The following MMP20 variants were observed in gnomAD, a reference collection of about 807,000 sequenced individuals.
MMP20 encodes the protein matrix metalloproteinase-20.
A neutral mutation model predicts 51.8 loss-of-function variants in MMP20; 50 were observed. That is an observed-to-expected ratio of 0.97 (90% CI 0.77 to 1.22). The LOEUF (loss-of-function observed/expected upper bound fraction) is 1.22, where lower values mean the gene tolerates loss of function less well. MMP20 is among the 50% of genes most tolerant of loss of function. The pLI is 0.00. For missense variants in MMP20, 663 were observed against 601.4 expected, an observed-to-expected ratio of 1.10 and a Z score of -1.07; for synonymous variants, 244 against 216.2, an observed-to-expected ratio of 1.13 and a Z score of -1.13.
chr11:102,609,191 A>T (rs1859561256), intron 4 of MMP20, 93 bp from the exon 5 acceptor site: 2 of 1,128,846 alleles, frequency 1.8e-6, no homozygotes, highest in Non-Finnish European at 2.6e-6. Context: ...CCCACATTAC[A>T]GTTAACCCAT....
At chr11:102,611,523 A>C (rs1859599463) in intron 3 of MMP20, among the ~76,000 whole-genome samples, 1 of 152,260 alleles carries the variant, frequency 6.6e-6, no homozygotes, top group South Asian at 2.1e-4. Context: ...AAAGTTTGTT[A>C]CAGTGAATCT....
intron 6 of MMP20, among the ~76,000 whole-genome samples, chr11:102,598,778 C>T (rs1784408): frequency 2.0e-5 from 3 of 152,046 alleles, no homozygotes; most frequent in African/African-American, 7.2e-5. Flanking sequence ...GTTGTTGAGC[C>T]TTAAAGGTCT....
At chr11:102,598,812 T>C (rs1218369798) in intron 6 of MMP20, among the ~76,000 whole-genome samples, 1 of 152,196 alleles carries the variant, frequency 6.6e-6, no homozygotes, top group South Asian at 2.1e-4. Flanking sequence ...CCAGTCATCA[T>C]TCTCCACCTA....
chr11:102,609,042 G>T lies in MMP20; in HGVS notation c.706C>A (p.His236Asn), dbSNP rs1344070631. ...HEFGHALGLA[H>N]STDPSALMYP... ...ATCAGTGCTGATGGGTCTGTGGAAT[G>T]GGCCAGGCCCAGGGCATGGCCAAAT... The change falls in exon 5 of 10, where the codon CAT (histidine) becomes AAT (asparagine). Residue 236 changes from histidine (H) to asparagine (N), a missense_variant. Physicochemically the swap from His to Asn is moderately conservative, Grantham distance 68 (BLOSUM62 1). Transcript: ENST00000260228. 2.5e-6 allele frequency: 4 copies of T among 1,613,576 alleles called. No individual in the cohort carries two copies. Among genetic ancestry groups the T allele is most frequent in the Non-Finnish European group, 3.4e-6 (4 of 1,179,594 alleles).
intron 8 of MMP20, among the ~76,000 whole-genome samples, chr11:102,588,167 A>G (rs1425312011): frequency 2.0e-5 from 3 of 152,098 alleles, no homozygotes. Flanking sequence ...TTAACTTATA[A>G]AAATCTGCTT....
At position 102,623,126 on chromosome 11, in the gene MMP20, G is replaced by A. The variant is rs116076814; in HGVS notation, c.126+2068C>T. Among the ~76,000 whole-genome samples the A allele has an allele frequency of 2.7e-3, 407 of 152,282 alleles. 1 individual carries two copies. Among genetic ancestry groups the A allele is most frequent in the African/African-American group, 8.9e-3 (369 of 41,540 alleles). ...AGACAGAGAAGGGTTGATTTATTTT[G>A]GAGAGGAAGAAGTAAGGAATCACTA... On this transcript the variant is annotated intron_variant, in intron 1 of 9. Coordinates refer to ENST00000260228, the MANE Select transcript of MMP20 (RefSeq NM_004771.4).
chr11:102,622,721 C>T (rs1161335103), intron 1 of MMP20, among the ~76,000 whole-genome samples: 1 of 152,182 alleles, frequency 6.6e-6, no homozygotes, highest in African/African-American at 2.4e-5. Flanking sequence ...GCTCCCTCAT[C>T]CTCATGGAAG....
At chr11:102,580,779 TCACAAAGA>T (rs1859183566) in intron 8 of MMP20, among the ~76,000 whole-genome samples, 1 of 152,202 alleles carries the variant, frequency 6.6e-6, no homozygotes, top group Non-Finnish European at 1.5e-5. Flanking sequence ...CACACTCATT[TCACAAAGA>T]CAAAGAAACG....
chr11:102,606,668 T>C lies in MMP20; in HGVS notation c.820A>G (p.Lys274Glu). Residue 274 changes from lysine to glutamate, a missense_variant, in exon 6 of 10, where the codon AAA (lysine) becomes GAA (glutamate). Transcript: ENST00000260228. ...AGAGTGGGCTTCCCCAGGAATACTT[T>C]CCGAGGTCCTAGGATTCAAAATGAG... ...KGIQALYGPR[K>E]VFLGKPTLPH... 6.2e-7 allele frequency: 1 copy of C among 1,614,040 alleles called. No homozygotes were observed. The highest frequency in any genetic ancestry group is 8.5e-7 in the Non-Finnish European group (1 of 1,179,934).
At chr11:102,593,027 C>G (rs1022863510) in intron 8 of MMP20, among the ~76,000 whole-genome samples, 1 of 152,132 alleles carries the variant, frequency 6.6e-6, no homozygotes, top group African/African-American at 2.4e-5. Flanking sequence ...TCAAAGAGAC[C>G]CATGGTCAGG....
chr11:102,602,187 C>T, intron 6 of MMP20, among the ~76,000 whole-genome samples: 1 of 137,330 alleles, frequency 7.3e-6, no homozygotes, highest in Non-Finnish European at 1.5e-5. Flanking sequence ...CCAGGATGGT[C>T]TCCATCTCCT....
chr11:102,593,186 T>G (rs921483482), intron 8 of MMP20, among the ~76,000 whole-genome samples: 24 of 152,100 alleles, frequency 1.6e-4, no homozygotes, highest in Non-Finnish European at 2.4e-4. Context: ...GGTTAATGAG[T>G]GCATTGAAAG....
At chr11:102,584,712 GA>G (rs1859235122) in intron 8 of MMP20, among the ~76,000 whole-genome samples, 1 of 152,054 alleles carries the variant, frequency 6.6e-6, no homozygotes. Context: ...CCAAGATCAC[GA>G]AGATTTATCT....
chr11:102,592,085 T>C (rs1859323717), intron 8 of MMP20, among the ~76,000 whole-genome samples: 1 of 152,230 alleles, frequency 6.6e-6, no homozygotes, highest in Admixed American at 6.5e-5. Context: ...CTTGATTTTA[T>C]TCTCTGAAAA....
rs72984055 is a variant in MMP20, at chr11:102,589,960, T to C, written c.1247+3479A>G. ...AGAGAATGTGGAAGACGTATTCTAC[T>C]TTGCAGCAATGATGCCCCGAGTCTG... On this transcript the variant is annotated intron_variant, in intron 8 of 9. Coordinates refer to ENST00000260228, the MANE Select transcript of MMP20 (RefSeq NM_004771.4). Among the ~76,000 whole-genome samples, 1,288 of 152,314 alleles carry C rather than the reference T, an allele frequency of 8.5e-3. 13 individuals are homozygous for C. The highest frequency in any genetic ancestry group is 0.02 in the Middle Eastern group (6 of 294).
At chr11:102,580,182 A>T (rs920183613) in intron 8 of MMP20, among the ~76,000 whole-genome samples, 2 of 152,260 alleles carry the variant, frequency 1.3e-5, no homozygotes, top group Admixed American at 6.5e-5. Context: ...AACTCTGAAG[A>T]TTGATTAATA....
intron 6 of MMP20, among the ~76,000 whole-genome samples, chr11:102,599,014 T>G (rs1272199540): frequency 4.6e-4 from 1 of 2,168 alleles, no homozygotes; most frequent in African/African-American, 1.7e-3. Flanking sequence ...TCTTCTATCT[T>G]TTTTTTTTTT....
At chr11:102,606,288 A>G (rs1859514399) in intron 6 of MMP20, among the ~76,000 whole-genome samples, 1 of 152,228 alleles carries the variant, frequency 6.6e-6, no homozygotes, top group Non-Finnish European at 1.5e-5. Context: ...GAAAAAGGTT[A>G]CAATAAATAT....
intron 6 of MMP20, among the ~76,000 whole-genome samples, chr11:102,594,975 G>A (rs1859365023): frequency 6.7e-6 from 1 of 149,300 alleles, no homozygotes; most frequent in South Asian, 2.1e-4. Context: ...GCATGATCTT[G>A]GCTCACTGCA....
Sources: allele counts gnomAD v4.1 joint callset (sites outside exome capture counted in the v4.1 genomes callset), GRCh38; gene constraint gnomAD v4.1.1; transcripts MANE v1.5; gene names NCBI Gene and HGNC (gene_info 2026-07-23, HGNC 2026-07-21).